Variants in SLC22A16 observed in about 807,000 individuals in gnomAD.
SLC22A16 encodes WUGSC:RG331P03.1.
In SLC22A16, 53 loss-of-function variants were observed where a neutral mutation model predicts 52.9. That is an observed-to-expected ratio of 1.00 (90% CI 0.80 to 1.26). The LOEUF (loss-of-function observed/expected upper bound fraction) is 1.26, where lower values mean the gene tolerates loss of function less well. Ranked by LOEUF, SLC22A16 falls within the 50% of genes most tolerant of loss-of-function variation. The pLI, the probability that SLC22A16 is intolerant of heterozygous loss-of-function variation, is 0.00. For synonymous variants in SLC22A16, 291 were observed against 268.8 expected, an observed-to-expected ratio of 1.08 and a Z score of -0.81; for missense variants, 726 against 704.0, an observed-to-expected ratio of 1.03 and a Z score of -0.35.
chr6:110,438,960 G>C, intron 4 of SLC22A16, 113 bp from the exon 5 acceptor site: 1 of 1,338,434 alleles, frequency 7.5e-7, no homozygotes, highest in Middle Eastern at 2.5e-4. Flanking sequence ...TCACTTCTGG[G>C]GCCTTTAGAA....
At chr6:110,439,071 G>A (rs769055278) in intron 4 of SLC22A16, among the ~76,000 whole-genome samples, 22 of 152,098 alleles carry the variant, frequency 1.4e-4, no homozygotes, top group African/African-American at 4.8e-4. Context: ...CTCATAATCC[G>A]CCTGGCACCT....
At chr6:110,464,746 T>C (rs1776003987) in intron 1 of SLC22A16, among the ~76,000 whole-genome samples, 1 of 152,082 alleles carries the variant, frequency 6.6e-6, no homozygotes, top group African/African-American at 2.4e-5. Context: ...ACTGAAATCA[T>C]TCCAGAAAAT....
intron 1 of SLC22A16, among the ~76,000 whole-genome samples, chr6:110,470,656 T>A (rs1231140872): frequency 6.6e-6 from 1 of 152,006 alleles, no homozygotes; most frequent in African/African-American, 2.4e-5. Context: ...TCTCTTCCCC[T>A]CTCCTTCTCT....
chr6:110,449,220 G>A (rs1194899813), intron 2 of SLC22A16, among the ~76,000 whole-genome samples: 4 of 151,792 alleles, frequency 2.6e-5, no homozygotes, highest in Admixed American at 6.6e-5. Flanking sequence ...ATGCCTACTC[G>A]TTAGACCCCT....
rs562675275 is a variant in SLC22A16, at chr6:110,463,300, T to G, written c.54-6283A>C. ...TTATTAACCCTAAATGTAAACAGCC[T>G]CAATGCTCCACTTAGAGGATATAGA... On this transcript the variant is annotated intron_variant, in intron 1 of 7. Transcript: ENST00000368919. Among the ~76,000 whole-genome samples the G allele has an allele frequency of 1.6e-3, 245 of 151,800 alleles. 2 individuals carry two copies. The highest frequency in any genetic ancestry group is 2.7e-3 in the Non-Finnish European group (182 of 67,872).
chr6:110,463,753 G>T (rs1001625979), intron 1 of SLC22A16, among the ~76,000 whole-genome samples: 11 of 151,854 alleles, frequency 7.2e-5, no homozygotes, highest in African/African-American at 2.7e-4. Flanking sequence ...CATTGAGCTT[G>T]ATCTGTCGAT....
chr6:110,451,022 T>C (rs1269486226), intron 2 of SLC22A16, among the ~76,000 whole-genome samples: 2 of 152,226 alleles, frequency 1.3e-5, no homozygotes, highest in East Asian at 3.8e-4. Context: ...TAGGTAAGTT[T>C]TGCTATTATG....
chr6:110,469,167 C>T (rs956978020), intron 1 of SLC22A16, among the ~76,000 whole-genome samples: 1 of 152,306 alleles, frequency 6.6e-6, no homozygotes, highest in Admixed American at 6.5e-5. Flanking sequence ...CTTTACTCTA[C>T]TCTATTCACT....
At chr6:110,455,981 G>A (rs1218632997) in intron 2 of SLC22A16, 5 of 152,368 alleles carry the variant, frequency 3.3e-5, no homozygotes, top group Non-Finnish European at 4.4e-5. Context: ...CCAGAACTAT[G>A]GGAAATAAAT....
chr6:110,457,875 G>A (rs978052092), intron 1 of SLC22A16, among the ~76,000 whole-genome samples: 2 of 152,118 alleles, frequency 1.3e-5, no homozygotes, highest in African/African-American at 2.4e-5. Flanking sequence ...CTACTTAGCA[G>A]ACCAGGAAAG....
chr6:110,457,750 G>T (rs1775721828), intron 1 of SLC22A16, among the ~76,000 whole-genome samples: 1 of 152,198 alleles, frequency 6.6e-6, no homozygotes, highest in African/African-American at 2.4e-5. Flanking sequence ...GTTATGCCCG[G>T]GTAGGGCCAC....
At chr6:110,455,767 T>A (rs1320753337) in intron 2 of SLC22A16, 1 of 152,160 alleles carries the variant, frequency 6.6e-6, no homozygotes, top group Non-Finnish European at 1.5e-5. Flanking sequence ...GGTGATAAAG[T>A]CATGACAGTA....
At chr6:110,472,366 T>G (rs963342246) in intron 1 of SLC22A16, among the ~76,000 whole-genome samples, 1 of 152,078 alleles carries the variant, frequency 6.6e-6, no homozygotes, top group African/African-American at 2.4e-5. Context: ...CTGGCCCCCT[T>G]GCCCCACTCG....
chr6:110,455,190 G>A (rs1253086382), intron 2 of SLC22A16, among the ~76,000 whole-genome samples: 1 of 150,392 alleles, frequency 6.6e-6, no homozygotes. Flanking sequence ...TACTCTGACT[G>A]TGTTATAAGC....
At chr6:110,450,573 C>T (rs138746431) in intron 2 of SLC22A16, among the ~76,000 whole-genome samples, 490 of 136,820 alleles carry the variant, frequency 3.6e-3, no homozygotes, top group African/African-American at 0.014. Context: ...GATCGCACCA[C>T]TGCACTTCAG....
At chr6:110,474,569 G>T (rs1452175557) in intron 1 of SLC22A16, among the ~76,000 whole-genome samples, 1 of 152,224 alleles carries the variant, frequency 6.6e-6, no homozygotes, top group Non-Finnish European at 1.5e-5. Context: ...AATGATAATA[G>T]CCATGACTTA....
In SLC22A16 at chr6:110,424,956, T is replaced by G; in HGVS notation, c.1651A>C (p.Ser551Arg). 1 of 1,614,220 alleles carries G rather than the reference T, an allele frequency of 6.2e-7. No homozygotes were observed. Residue 551 changes from serine (S) to arginine (R), a missense_variant, in exon 8 of 8, where the codon AGC becomes CGC. Transcript: ENST00000368919. ...TTATTAGTTGTGAGAAGTAATTTGC[T>G]TGACTTGCTTTCATTCTCTGACTCC... The part of the protein sequence containing the change: ...KLESENESKS[S>R]KLLLTTNNSG...
At chr6:110,456,396 A>G (rs1436110883) in intron 2 of SLC22A16, 142 bp downstream of exon 2, 5 of 1,058,856 alleles carry the variant, frequency 4.7e-6, no homozygotes, top group Non-Finnish European at 6.8e-6. Flanking sequence ...ACATCCCTAA[A>G]TAATGGATCA....
chr6:110,437,823 T>G (rs1481329640), intron 5 of SLC22A16, among the ~76,000 whole-genome samples: 2 of 152,170 alleles, frequency 1.3e-5, no homozygotes, highest in African/African-American at 2.4e-5. Flanking sequence ...AATATGGGAA[T>G]GTGAAAGTCA....
Sources: allele counts gnomAD v4.1 joint callset (sites outside exome capture counted in the v4.1 genomes callset), GRCh38; gene constraint gnomAD v4.1.1; transcripts MANE v1.5; gene names NCBI Gene and HGNC (gene_info 2026-07-23, HGNC 2026-07-21).